DPP6: variants seen among roughly 807,000 people sequenced by gnomAD.
DPP6 encodes the protein A-type potassium channel modulatory protein DPP6.
Under a neutral mutation model 122.6 loss-of-function variants are expected in DPP6, and 69 were observed. The observed-to-expected ratio is 0.56, with a 90% CI of 0.46 to 0.69. The LOEUF (loss-of-function observed/expected upper bound fraction) is 0.69. DPP6 is among the 30% of genes least tolerant of loss of function. DPP6 has a pLI of 0.00. For synonymous variants in DPP6, 418 were observed against 433.1 expected, an observed-to-expected ratio of 0.97 and a Z score of 0.43; for missense variants, 928 against 1,116.9, an observed-to-expected ratio of 0.83 and a Z score of 2.41.
At chr7:154,006,032 T>C (rs1797900785) in intron 1 of DPP6, among the ~76,000 whole-genome samples, 2 of 152,112 alleles carry the variant, frequency 1.3e-5, no homozygotes, top group African/African-American at 4.8e-5. Context: ...GGATTGAATA[T>C]GAGCAGCTGC....
chr7:154,421,110 C>T (rs1053728121), intron 1 of DPP6, among the ~76,000 whole-genome samples: 9 of 152,142 alleles, frequency 5.9e-5, no homozygotes, highest in East Asian at 3.9e-4. Context: ...TGGGCACCCA[C>T]GTCACGTCTG....
At chr7:153,885,060 T>C (rs1294466892), upstream of DPP6, among the ~76,000 whole-genome samples, 4 of 144,698 alleles carry the variant, frequency 2.8e-5, no homozygotes, top group Non-Finnish European at 1.5e-5. Flanking sequence ...CATCATGTGG[T>C]GATGGGATGG....
Position 154,052,800 on chromosome 7 carries a change from C to T in DPP6, c.-21C>T, listed in dbSNP as rs1166603270. 2 of 1,501,980 alleles carry T rather than the reference C, an allele frequency of 1.3e-6. No homozygotes were observed. The highest frequency in any genetic ancestry group is 2.0e-5 in the Admixed American group (1 of 49,588). 93.0% of individuals were successfully genotyped at this position (1,501,980 alleles called of 1,614,324 possible). A position where few individuals can be genotyped will look rare whatever the true frequency, so the allele number is the denominator to read the frequency against. On this transcript the variant is annotated 5_prime_UTR_variant, in exon 1 of 26. Transcript: ENST00000377770. The surrounding 1 kb of genome is among the most constrained non-coding windows in gnomAD (Gnocchi z 4.8). ...AAATATTAAAAAGCCCCAAAGACAGCCAGCAGGAGCGCGGTGCCCGATGGC... is the reference window on the plus strand; with the variant it reads ...AAATATTAAAAAGCCCCAAAGACAGTCAGCAGGAGCGCGGTGCCCGATGGC...
intron 15 of DPP6, among the ~76,000 whole-genome samples, chr7:154,806,210 T>C (rs915251598): frequency 3.9e-5 from 6 of 152,216 alleles, no homozygotes; most frequent in Non-Finnish European, 7.3e-5. Flanking sequence ...GGTTGTCTTC[T>C]CTCTCCCGTG....
chr7:154,891,403 C>T (rs1028351524), intron 25 of DPP6, among the ~76,000 whole-genome samples: 5 of 152,116 alleles, frequency 3.3e-5, no homozygotes, highest in Non-Finnish European at 7.3e-5. Flanking sequence ...ATTCTAAGCA[C>T]GGCACGGCTA....
chr7:153,847,596 T>C, the DPP6 span, among the ~76,000 whole-genome samples: 6,255 of 152,284 alleles, frequency 0.041, 416 homozygotes, highest in African/African-American at 0.14. Context: ...CCTGAATTTA[T>C]GGAGATTTGG....
rs1351516554 is a variant in DPP6 at position 154,063,559 on chromosome 7, T to C, written c.243+10496T>C. On this transcript the variant is annotated intron_variant, in intron 1 of 25. Transcript: ENST00000377770. ...CCCCGCGAGGGTGGGGACTGAGAGC[T>C]ATCCCCTCTTCCGCCTCTGGCTGAT... Among the ~76,000 whole-genome samples, 42 of 117,430 alleles carry C rather than the reference T, an allele frequency of 3.6e-4. 5 individuals carry two copies. The highest frequency in any genetic ancestry group is 6.6e-4 in the Non-Finnish European group (37 of 55,660). 77.0% of individuals were successfully genotyped at this position (117,430 alleles called of 152,430 possible).
chr7:154,840,061 T>C (rs765892888), intron 16 of DPP6, among the ~76,000 whole-genome samples: 4 of 152,104 alleles, frequency 2.6e-5, no homozygotes, highest in Admixed American at 6.5e-5. Context: ...ACGACTTCCA[T>C]TCAAAAAACG....
chr7:153,983,840 C>T (rs1796711531), intron 1 of DPP6, among the ~76,000 whole-genome samples: 1 of 151,942 alleles, frequency 6.6e-6, no homozygotes, highest in African/African-American at 2.4e-5. Context: ...GAGGTGATGC[C>T]CCACCCTGCT....
chr7:154,591,203 T>C (rs1832792629), intron 5 of DPP6, among the ~76,000 whole-genome samples: 1 of 152,238 alleles, frequency 6.6e-6, no homozygotes, highest in Non-Finnish European at 1.5e-5. Flanking sequence ...CAGCCACACG[T>C]TTCCCCCTCT....
At chr7:154,111,620 C>T (rs1207974050) in intron 1 of DPP6, among the ~76,000 whole-genome samples, 1 of 134,912 alleles carries the variant, frequency 7.4e-6, no homozygotes, top group African/African-American at 2.7e-5. Flanking sequence ...GGCAGGGTTT[C>T]GTGTGTGTGT....
In DPP6 at chr7:153,950,205, GAATTAA is replaced by G. The variant is rs202169715; in HGVS notation, c.51+62479_51+62484del. On this transcript the variant is annotated intron_variant, in intron 1 of 25. Coordinates refer to the DPP6 transcript ENST00000404039. ...GTTTCAAGGGACAGGAGGCATTTAA[GAATTAA>G]AATTAAACACTGAGGCTTCTGGGTT... Among the ~76,000 whole-genome samples, 98 of 152,234 alleles carry G rather than the reference GAATTAA, an allele frequency of 6.4e-4. 1 individual carries two copies. The East Asian group carries it at 0.019, about 29-fold the overall frequency.
At chr7:153,862,448 A>G in the DPP6 span, among the ~76,000 whole-genome samples, 1 of 152,196 alleles carries the variant, frequency 6.6e-6, no homozygotes, top group Non-Finnish European at 1.5e-5. Flanking sequence ...CACCTACTGC[A>G]GTTAATTATT....
chr7:154,525,553 G>A (rs1467302986), intron 3 of DPP6, among the ~76,000 whole-genome samples: 1 of 152,214 alleles, frequency 6.6e-6, no homozygotes, highest in Non-Finnish European at 1.5e-5. Context: ...TTCTTGGAAT[G>A]ATGTCTGAGA....
intron 21 of DPP6, among the ~76,000 whole-genome samples, chr7:154,882,280 A>G (rs1450966759): frequency 2.6e-5 from 4 of 152,082 alleles, no homozygotes; most frequent in Non-Finnish European, 5.9e-5. Context: ...CACACCCTGT[A>G]CCCCCGCACT....
intron 16 of DPP6, among the ~76,000 whole-genome samples, chr7:154,836,948 C>T (rs1301786671): frequency 6.6e-6 from 1 of 152,242 alleles, no homozygotes; most frequent in Non-Finnish European, 1.5e-5. Context: ...CTCAGGCGAT[C>T]TGCCAGCCTC....
chr7:154,220,740 A>G lies in DPP6; in HGVS notation c.243+167677A>G, dbSNP rs114924903. On this transcript the variant is annotated intron_variant, in intron 1 of 25. Coordinates refer to ENST00000377770, the MANE Select transcript of DPP6 (RefSeq NM_130797.4). ...TTTTCTAAAGTACCCAGTTTCAGGTATGTTGTTATAGCAGCATGAATGGAC... is the reference window on the plus strand; with the variant it reads ...TTTTCTAAAGTACCCAGTTTCAGGTGTGTTGTTATAGCAGCATGAATGGAC... 5.9e-3 allele frequency among the ~76,000 whole-genome samples: 904 copies of G among 152,276 alleles called. 5 individuals are homozygous for G. The highest frequency in any genetic ancestry group is 0.02 in the African/African-American group (846 of 41,550).
chr7:154,444,220 G>A (rs978839993), intron 1 of DPP6, among the ~76,000 whole-genome samples: 1 of 152,142 alleles, frequency 6.6e-6, no homozygotes, highest in Non-Finnish European at 1.5e-5. Flanking sequence ...CACTTTGGGA[G>A]GCCGAGGCGG....
chr7:154,111,162 T>C (rs1279465060), intron 1 of DPP6, among the ~76,000 whole-genome samples: 1 of 152,088 alleles, frequency 6.6e-6, no homozygotes, highest in Non-Finnish European at 1.5e-5. Flanking sequence ...CACATTCAGT[T>C]GTTGTTATTT....
Sources: gnomAD v4.1 joint callset for allele counts (sites outside exome capture counted in the v4.1 genomes callset) on GRCh38, gnomAD v4.1.1 for gene constraint, Gnocchi (gnomAD v3.1) non-coding constraint, MANE v1.5 for transcripts, NCBI Gene and HGNC (gene_info 2026-07-23, HGNC 2026-07-21) for gene names.